Variants in KALRN observed in about 807,000 individuals in gnomAD.
The protein encoded by KALRN is kalirin.
Under a neutral mutation model 353.7 loss-of-function variants are expected in KALRN, and 70 were observed. That is an observed-to-expected ratio of 0.20 (90% confidence interval 0.16 to 0.24). The LOEUF is 0.24. KALRN is among the 10% of genes least tolerant of loss of function. KALRN has a pLI of 1.00. For synonymous variants in KALRN, 1,391 were observed against 1,434.8 expected, an observed-to-expected ratio of 0.97 and a Z score of 0.69; for missense variants, 2,791 against 3,756.7, an observed-to-expected ratio of 0.74 and a Z score of 6.72.
At chr3:124,579,365 T>C (rs6778968) in intron 34 of KALRN, among the ~76,000 whole-genome samples, 35,904 of 152,192 alleles carry the variant, frequency 0.24, 4,545 homozygotes, top group East Asian at 0.33. Flanking sequence ...TAAAATGGAC[T>C]TAGGCTGCAG....
intron 25 of KALRN, among the ~76,000 whole-genome samples, chr3:124,471,422 C>G (rs537739064): frequency 1.3e-4 from 20 of 151,712 alleles, no homozygotes; most frequent in African/African-American, 4.6e-4. Flanking sequence ...AGTAGCTGGG[C>G]TTACAGGCGC....
In KALRN at chr3:124,612,712, C is replaced by T. The variant is rs114036211; in HGVS notation, c.5183-19708C>T. On this transcript the variant is annotated intron_variant, in intron 34 of 59. Transcript: ENST00000682506. Reference sequence around the variant, plus strand: ...TCATTTGTTAGTTTCTTATCTGACTCCCTCTCTACCCTAACTAGAATGACA... The same window carrying T: ...TCATTTGTTAGTTTCTTATCTGACTTCCTCTCTACCCTAACTAGAATGACA... 7.9e-3 allele frequency among the ~76,000 whole-genome samples: 1,201 copies of T among 152,220 alleles called. 15 individuals are homozygous for T. The highest frequency in any genetic ancestry group is 0.026 in the African/African-American group (1,067 of 41,528).
chr3:124,329,268 T>A (rs547256984), intron 7 of KALRN, among the ~76,000 whole-genome samples: 1 of 152,298 alleles, frequency 6.6e-6, no homozygotes, highest in East Asian at 1.9e-4. Context: ...GCACAGCCTG[T>A]CCCCCTAGAC....
Position 124,534,133 on chromosome 3 carries a change from G to A in KALRN, c.4936-28710G>A, listed in dbSNP as rs147799143. Among the ~76,000 whole-genome samples the A allele has an allele frequency of 4.0e-3, 615 of 152,292 alleles. 5 individuals carry two copies. Among genetic ancestry groups the A allele is most frequent in the African/African-American group, 0.014 (582 of 41,562 alleles). On this transcript the variant is annotated intron_variant, in intron 33 of 59. Coordinates refer to ENST00000682506, the MANE Select transcript of KALRN (RefSeq NM_001388419.1). Reference sequence around the variant, plus strand: ...AAAAGCAAGGAAATCTTGAAATACTGTCACACCCAAGAGGATTCTAAGATG... The same window carrying A: ...AAAAGCAAGGAAATCTTGAAATACTATCACACCCAAGAGGATTCTAAGATG...
chr3:124,526,512 T>C (rs2067605446), intron 33 of KALRN, among the ~76,000 whole-genome samples: 2 of 152,016 alleles, frequency 1.3e-5, no homozygotes, highest in Admixed American at 1.3e-4. Context: ...GAGGCAGAGG[T>C]TGTGGTGAGC....
rs3054175 is a variant in KALRN, at chr3:124,238,235, GA to G, written c.263+3301del. On this transcript the variant is annotated intron_variant, in intron 3 of 59. Coordinates refer to ENST00000682506, the MANE Select transcript of KALRN (RefSeq NM_001388419.1). ...GTTTGCTGGCAGGCATGAAGATGAA[GA>G]AAAAAAAACAACAAAAAACGCAATT... is the stretch of plus-strand genomic sequence containing the variant. Among the ~76,000 whole-genome samples the G allele has an allele frequency of 6.0e-5, 9 of 150,716 alleles. No individual in the cohort carries two copies. The East Asian group carries it at 9.8e-4, about 16-fold the overall frequency.
intron 38 of KALRN, among the ~76,000 whole-genome samples, chr3:124,655,245 G>A (rs1442276062): frequency 1.3e-5 from 2 of 152,216 alleles, no homozygotes; most frequent in South Asian, 2.1e-4. Context: ...CTTTCAGAAC[G>A]CAGTTTTGCC....
At chr3:124,618,276 A>AT (rs540669308) in intron 34 of KALRN, among the ~76,000 whole-genome samples, 23,505 of 144,814 alleles carry the variant, frequency 0.16, 1,837 homozygotes, top group Middle Eastern at 0.26. Context: ...CGCCCAGCTA[A>AT]TTTTTTTTTT....
chr3:124,439,074 G>C, intron 18 of KALRN, 37 bp downstream of exon 18: 1 of 1,597,070 alleles, frequency 6.3e-7, no homozygotes, highest in Non-Finnish European at 8.6e-7. Flanking sequence ...TCAGACTCCT[G>C]GCCTTGGCCG....
At chr3:124,594,952 CT>C (rs1294390536) in intron 34 of KALRN, among the ~76,000 whole-genome samples, 7 of 151,488 alleles carry the variant, frequency 4.6e-5, no homozygotes, top group Admixed American at 1.3e-4. Flanking sequence ...TTTTTCTTTC[CT>C]TTTTTTAAAT....
At chr3:124,095,844 A>G (rs2061412283) in intron 1 of KALRN, 1 of 152,130 alleles carries the variant, frequency 6.6e-6, no homozygotes, top group African/African-American at 2.4e-5. Context: ...GATGGAAAAG[A>G]TGGCCCTGGG....
chr3:124,107,341 AT>A (rs1002059061), intron 1 of KALRN, among the ~76,000 whole-genome samples: 20 of 150,162 alleles, frequency 1.3e-4, no homozygotes, highest in East Asian at 5.9e-4. Context: ...TGGAAACCAC[AT>A]TTTTTTTTTC....
chr3:124,201,932 T>C (rs2075980184), intron 1 of KALRN, among the ~76,000 whole-genome samples: 1 of 152,214 alleles, frequency 6.6e-6, no homozygotes, highest in Admixed American at 6.5e-5. Context: ...ACGAGGCTCA[T>C]GCACTCAGCA....
chr3:124,668,086 AC>A (rs2085890766), intron 47 of KALRN, among the ~76,000 whole-genome samples: 1 of 130,506 alleles, frequency 7.7e-6, no homozygotes, highest in Non-Finnish European at 1.7e-5. Flanking sequence ...ACACACACAC[AC>A]ACACACAACC....
chr3:124,163,998 T>C, intron 1 of KALRN: 1 of 985,266 alleles, frequency 1.0e-6, no homozygotes, highest in Non-Finnish European at 1.2e-6. Context: ...GCAAGAAGCA[T>C]TGTGTTTTGG....
At position 124,268,858 on chromosome 3, in the gene KALRN, C is replaced by G; in HGVS notation, c.572C>G (p.Ser191Cys). Residue 191 changes from serine (S) to cysteine (C), a missense_variant, in exon 5 of 60, where the codon TCC becomes TGC. Ser to Cys is a moderately radical substitution (Grantham distance 112). Coordinates refer to ENST00000682506, the MANE Select transcript of KALRN (RefSeq NM_001388419.1). ...GAGGAGTGGATCGAACTGCGGCTCT[C>G]CCTGGAGGAGTTCTTCAACAGCGCC... ...NHEEWIELRL[S>C]LEEFFNSAVH... The G allele has an allele frequency of 3.1e-6, 5 of 1,614,092 alleles. 1 individual carries two copies. The South Asian group carries it at 4.4e-5, about 14-fold the overall frequency.
Position 124,470,947 on chromosome 3 carries a change from G to A in KALRN, c.4032-3716G>A, listed in dbSNP as rs919810506. Among the ~76,000 whole-genome samples the A allele has an allele frequency of 1.6e-4, 24 of 152,078 alleles. No homozygotes were observed. In the East Asian group the frequency reaches 2.9e-3, roughly 18 times the overall value. On this transcript the variant is annotated intron_variant, in intron 25 of 59. Transcript: ENST00000682506. Reference sequence around the variant, plus strand: ...CCTTAGCCCAACATTTCCCAAACAAGGTGACCTTGGAATCTAAATGTTACA... The same window carrying A: ...CCTTAGCCCAACATTTCCCAAACAAAGTGACCTTGGAATCTAAATGTTACA...
At chr3:124,412,578 A>G (rs2092255244) in intron 13 of KALRN, among the ~76,000 whole-genome samples, 1 of 152,204 alleles carries the variant, frequency 6.6e-6, no homozygotes, top group Non-Finnish European at 1.5e-5. Context: ...ATTGTAAAGG[A>G]AGTGTAGGAT....
At chr3:124,095,033 C>G (rs1312755522) in intron 1 of KALRN, 2 of 886,524 alleles carry the variant, frequency 2.3e-6, no homozygotes, top group East Asian at 2.6e-5. Flanking sequence ...AGGAATGAAA[C>G]AGAGGCAAGT....
Sources: allele counts gnomAD v4.1 joint callset (sites outside exome capture counted in the v4.1 genomes callset), GRCh38; gene constraint gnomAD v4.1.1; transcripts MANE v1.5; gene names NCBI Gene and HGNC (gene_info 2026-07-23, HGNC 2026-07-21).